OR3A2: variants seen among roughly 807,000 people sequenced by gnomAD.
OR3A2 encodes olfactory receptor 3A2.
For synonymous variants in OR3A2, 126 were observed against 159.3 expected (o/e 0.79, Z 1.57); for missense variants, 318 against 392.8 (o/e 0.81, Z 1.61).
chr17:3,286,551 A>G (rs2048815173), upstream of OR3A2, among the ~76,000 whole-genome samples: 1 of 152,046 alleles, frequency 6.6e-6, no homozygotes, highest in African/African-American at 2.4e-5. Context: ...AAGCATTCCT[A>G]TTTCTCCACA....
intron 3 of OR3A2, among the ~76,000 whole-genome samples, chr17:3,322,890 G>A (rs1455037263): frequency 3.3e-5 from 5 of 152,058 alleles, no homozygotes; most frequent in East Asian, 1.9e-4. Context: ...TATTAGGTCC[G>A]TTTGGTGCAG....
intron 3 of OR3A2, among the ~76,000 whole-genome samples, chr17:3,309,347 T>A (rs7224323): frequency 0.17 from 25,135 of 152,010 alleles, 2,926 homozygotes; most frequent in African/African-American, 0.33. Context: ...GGATGATGCG[T>A]AATTAGAACC....
intron 3 of OR3A2, among the ~76,000 whole-genome samples, chr17:3,333,141 T>G (rs757888946): frequency 3.9e-5 from 6 of 152,158 alleles, no homozygotes; most frequent in Non-Finnish European, 1.5e-5. Context: ...AGCAAAATAA[T>G]TGCATTCCTG....
intron 2 of OR3A2, among the ~76,000 whole-genome samples, chr17:3,351,046 A>C (rs1196091415): frequency 6.6e-6 from 1 of 151,778 alleles, no homozygotes; most frequent in Non-Finnish European, 1.5e-5. Flanking sequence ...AAATAATAAG[A>C]GCTATCTATG....
At chr17:3,367,663 A>T (rs1194344375) in intron 2 of OR3A2, among the ~76,000 whole-genome samples, 2 of 149,004 alleles carry the variant, frequency 1.3e-5, no homozygotes, top group African/African-American at 5.0e-5. Flanking sequence ...GGGCACTTAG[A>T]TTGGTTCCAT....
At chr17:3,371,773 G>A (rs1307002832) in intron 2 of OR3A2, among the ~76,000 whole-genome samples, 8 of 141,976 alleles carry the variant, frequency 5.6e-5, no homozygotes, top group South Asian at 2.2e-4. Context: ...AGGGGCGGCC[G>A]GGCAGAGGCG....
intron 2 of OR3A2, among the ~76,000 whole-genome samples, chr17:3,347,345 T>C (rs1264655350): frequency 2.0e-5 from 3 of 152,178 alleles, no homozygotes; most frequent in Admixed American, 6.5e-5. Flanking sequence ...CTGCACCCAC[T>C]AACTCATCTT....
At chr17:3,358,177 T>A (rs1305116424) in intron 2 of OR3A2, among the ~76,000 whole-genome samples, 1 of 151,746 alleles carries the variant, frequency 6.6e-6, no homozygotes, top group East Asian at 1.9e-4. Context: ...CAATTTAAAA[T>A]TTTCTCACAA....
intron 2 of OR3A2, among the ~76,000 whole-genome samples, chr17:3,370,688 G>C (rs2049607266): frequency 6.6e-6 from 1 of 151,226 alleles, no homozygotes; most frequent in Non-Finnish European, 1.5e-5. Flanking sequence ...GGATTTGGCA[G>C]GGTCATAGGA....
intron 3 of OR3A2, among the ~76,000 whole-genome samples, chr17:3,299,957 A>G (rs968955793): frequency 1.3e-5 from 2 of 151,968 alleles, no homozygotes; most frequent in Non-Finnish European, 2.9e-5. Flanking sequence ...CATTATCTTA[A>G]TTTTCTGGAC....
rs1205747201 is a variant in OR3A2, at chr17:3,306,162, G to GT, written c.-84-27010dup. On this transcript the variant is annotated intron_variant, in intron 3 of 4. Transcript: ENST00000573491. ...TTTTTTGGTTGTTGTTTGTTTGCCT[G>GT]TTTTTTTAGAGACAGGCCTTGCTCT... is the stretch of plus-strand genomic sequence containing the variant. 2.6e-5 allele frequency among the ~76,000 whole-genome samples: 4 copies of GT among 152,090 alleles called. No homozygotes were observed. In the East Asian group the frequency reaches 5.8e-4, roughly 22 times the overall value.
At chr17:3,332,981 G>A (rs990392259) in intron 3 of OR3A2, among the ~76,000 whole-genome samples, 1 of 152,116 alleles carries the variant, frequency 6.6e-6, no homozygotes, top group Non-Finnish European at 1.5e-5. Flanking sequence ...AAGGAACAAG[G>A]GAAGACAACC....
chr17:3,370,243 T>C (rs2049601235), intron 2 of OR3A2, among the ~76,000 whole-genome samples: 2 of 152,218 alleles, frequency 1.3e-5, no homozygotes, highest in South Asian at 2.1e-4. Flanking sequence ...TTCTTCCTGG[T>C]TTAATCTAAG....
At chr17:3,295,755 G>A (rs766772403) in intron 3 of OR3A2, among the ~76,000 whole-genome samples, 13 of 151,920 alleles carry the variant, frequency 8.6e-5, no homozygotes, top group Middle Eastern at 3.2e-3. Context: ...AGATGTAAAC[G>A]AAAATAAAGC....
chr17:3,371,432 CACCT>C (rs1378677176), intron 2 of OR3A2, among the ~76,000 whole-genome samples: 3 of 140,018 alleles, frequency 2.1e-5, no homozygotes, highest in East Asian at 6.6e-4. Flanking sequence ...CTGACCCCCC[CACCT>C]CCCTCCCGGA....
chr17:3,384,317 A>T (rs1295645914), intron 1 of OR3A2, among the ~76,000 whole-genome samples: 1 of 152,334 alleles, frequency 6.6e-6, no homozygotes, highest in East Asian at 1.9e-4. Context: ...GAGAAATTTA[A>T]AAGTGTTTTC....
chr17:3,303,995 AATATAT>A (rs61331985), intron 3 of OR3A2, among the ~76,000 whole-genome samples: 13 of 144,184 alleles, frequency 9.0e-5, no homozygotes, highest in Admixed American at 1.4e-4. Context: ...TTATACTAAT[AATATAT>A]ATATATATAT....
intron 1 of OR3A2, among the ~76,000 whole-genome samples, chr17:3,281,159 CA>C (rs2048774404): frequency 6.6e-6 from 1 of 151,996 alleles, no homozygotes; most frequent in Non-Finnish European, 1.5e-5. Flanking sequence ...TGGGAGCCCC[CA>C]AAACTCCTGT....
At chr17:3,382,099 A>T (rs892947953) in intron 2 of OR3A2, among the ~76,000 whole-genome samples, 3 of 152,062 alleles carry the variant, frequency 2.0e-5, no homozygotes, top group African/African-American at 7.2e-5. Flanking sequence ...GGAGGAGTGG[A>T]GCTGGGCGGG....
Sources: gnomAD v4.1 joint callset for allele counts (sites outside exome capture counted in the v4.1 genomes callset) on GRCh38, gnomAD v4.1.1 for gene constraint, MANE v1.5 for transcripts, NCBI Gene and HGNC (gene_info 2026-07-23, HGNC 2026-07-21) for gene names.